The following HAVCR1 variants were observed in gnomAD, a reference collection of about 807,000 sequenced individuals.
The protein encoded by HAVCR1 is hepatitis A virus cellular receptor 1.
In HAVCR1, 34 loss-of-function variants were observed where a neutral mutation model predicts 32.0. The ratio of observed to expected loss-of-function variants is 1.06; its 90% CI spans 0.81 to 1.42. The LOEUF (loss-of-function observed/expected upper bound fraction) is 1.42. HAVCR1 is among the 40% of genes most tolerant of loss of function. The pLI, the probability that HAVCR1 is intolerant of heterozygous loss-of-function variation, is 0.00. For synonymous variants in HAVCR1, 178 were observed against 170.3 expected, an observed-to-expected ratio of 1.05 and a Z score of -0.35; for missense variants, 420 against 442.3, an observed-to-expected ratio of 0.95 and a Z score of 0.45.
chr5:157,041,422 C>T (rs1754885840), intron 6 of HAVCR1, among the ~76,000 whole-genome samples: 2 of 151,544 alleles, frequency 1.3e-5, no homozygotes, highest in East Asian at 1.9e-4. Context: ...CACTTGAACC[C>T]AAGAAGAGGA....
chr5:157,050,488 A>G (rs1438592986), intron 4 of HAVCR1, among the ~76,000 whole-genome samples: 1 of 152,164 alleles, frequency 6.6e-6, no homozygotes, highest in African/African-American at 2.4e-5. Flanking sequence ...GGGTTCTCTC[A>G]TTCCTGGACT....
chr5:157,032,226 T>C (rs1329593231), intron 8 of HAVCR1, among the ~76,000 whole-genome samples: 4 of 152,030 alleles, frequency 2.6e-5, no homozygotes, highest in Admixed American at 6.6e-5. Flanking sequence ...CTACTAAAAG[T>C]ATGAAAAAAT....
At chr5:157,042,373 C>T (rs770944179) in intron 6 of HAVCR1, among the ~76,000 whole-genome samples, 10 of 146,910 alleles carry the variant, frequency 6.8e-5, no homozygotes, top group Admixed American at 4.2e-4. Context: ...ACCCGGGAAG[C>T]GGAGCTTACA....
intron 5 of HAVCR1, among the ~76,000 whole-genome samples, chr5:157,044,601 A>AAGAAAGAAAG (rs1561590920): frequency 1.6e-4 from 14 of 88,864 alleles, no homozygotes; most frequent in Non-Finnish European, 2.9e-4. Context: ...GAAAGAAAGA[A>AAGAAAGAAAG]AGAAAGAAAG....
chr5:157,048,924 G>A (rs1755575964), intron 5 of HAVCR1, 114 bp downstream of exon 5: 1 of 689,418 alleles, frequency 1.5e-6, no homozygotes, highest in Non-Finnish European at 2.7e-6. Context: ...ACTGATCTGT[G>A]TGCCTGGTGT....
chr5:157,052,192 A>G (rs1755776268), intron 4 of HAVCR1, among the ~76,000 whole-genome samples, 169 bp downstream of exon 4: 1 of 152,196 alleles, frequency 6.6e-6, no homozygotes, highest in African/African-American at 2.4e-5. Flanking sequence ...GGTGCAAAAG[A>G]CGCATACAAC....
upstream of HAVCR1, among the ~76,000 whole-genome samples, chr5:157,063,501 T>A (rs1581741931): frequency 6.6e-6 from 1 of 151,988 alleles, no homozygotes; most frequent in African/African-American, 2.4e-5. Flanking sequence ...GTTAGGCTGG[T>A]CACGAACTCC....
At position 157,055,201 on chromosome 5, in the gene HAVCR1, G is replaced by C; in HGVS notation, c.379C>G (p.Pro127Ala). ...CAAGAAATATCAAAGAAAAACTTAC[G>C]TGGCACAATCTCCAATGATACGGTG... is the stretch of plus-strand genomic sequence containing the variant. ...KITVSLEIVP[P>A]KVTTTPIVTT... Residue 127 changes from proline (P) to alanine (A), a missense_variant and splice_region_variant, in exon 3 of 9, where the codon CCC becomes GCC. Coordinates refer to ENST00000523175, the MANE Select transcript of HAVCR1 (RefSeq NM_001173393.3). The C allele has an allele frequency of 6.9e-7, 1 of 1,455,338 alleles. No individual in the cohort carries two copies. 90.2% of individuals were successfully genotyped at this position (1,455,338 alleles called of 1,614,324 possible).
chr5:157,057,857 C>G (rs1256174543), intron 2 of HAVCR1, 41 bp downstream of exon 2: 5 of 1,516,284 alleles, frequency 3.3e-6, no homozygotes, highest in African/African-American at 1.4e-5. Context: ...TCTAACCCCC[C>G]TCTACTCCCT....
rs891815695 is a variant in HAVCR1, at chr5:157,055,593, C to A, written c.47-60G>T. ...CTCACTATTTCATCTTGGCTGGGCA[C>A]AATGGCTCACGCCTGTAATCCAAGA... On this transcript the variant is annotated intron_variant, in intron 2 of 8. Transcript: ENST00000523175. 19 of 1,053,894 alleles carry A rather than the reference C, an allele frequency of 1.8e-5. No homozygotes were observed. The African/African-American group carries it at 2.5e-4, about 14-fold the overall frequency. The allele number at this position is 1,053,894 out of a possible 1,614,324, so 65.3% of individuals were successfully genotyped here.
At chr5:157,045,586 T>C (rs922225576) in intron 5 of HAVCR1, among the ~76,000 whole-genome samples, 4 of 152,132 alleles carry the variant, frequency 2.6e-5, no homozygotes, top group Non-Finnish European at 5.9e-5. Flanking sequence ...AGAGCAGATT[T>C]ATAGCGCCTC....
intron 5 of HAVCR1, among the ~76,000 whole-genome samples, chr5:157,043,554 A>G (rs944008727): frequency 6.6e-6 from 1 of 152,190 alleles, no homozygotes; most frequent in African/African-American, 2.4e-5. Flanking sequence ...CTGTAGACTT[A>G]GCTACTCGGA....
At chr5:157,042,523 A>G in intron 6 of HAVCR1, 104 bp downstream of exon 6, 1 of 635,324 alleles carries the variant, frequency 1.6e-6, no homozygotes. Flanking sequence ...AAGAAAAAAA[A>G]AATTCTGTGG....
At chr5:157,047,569 CAAG>C (rs965072534) in intron 5 of HAVCR1, among the ~76,000 whole-genome samples, 3 of 151,094 alleles carry the variant, frequency 2.0e-5, no homozygotes, top group African/African-American at 4.9e-5. Flanking sequence ...AAAAAAAGTA[CAAG>C]AAGACTAGGT....
chr5:157,064,626 G>A, the HAVCR1 span, among the ~76,000 whole-genome samples: 3 of 152,310 alleles, frequency 2.0e-5, no homozygotes, highest in Admixed American at 6.5e-5. Flanking sequence ...TAACACCTTG[G>A]GAGGCCAAGG....
chr5:157,048,327 T>G (rs1185553096), intron 5 of HAVCR1, among the ~76,000 whole-genome samples: 1 of 152,174 alleles, frequency 6.6e-6, no homozygotes, highest in Non-Finnish European at 1.5e-5. Flanking sequence ...TTGATTTGAT[T>G]TCTAAAAACA....
At chr5:157,061,647 C>T (rs1756491566), upstream of HAVCR1, among the ~76,000 whole-genome samples, 1 of 151,960 alleles carries the variant, frequency 6.6e-6, no homozygotes. Context: ...GCAGAATTTA[C>T]CCTGAGCGGA....
intron 5 of HAVCR1, among the ~76,000 whole-genome samples, chr5:157,044,621 G>GAAAGAAAGAAAGAA (rs1561591214): frequency 1.9e-4 from 8 of 42,722 alleles, no homozygotes; most frequent in South Asian, 1.2e-3. Flanking sequence ...GAAAGAGAAA[G>GAAAGAAAGAAAGAA]AAAGAAAGAA....
At chr5:157,062,319 G>T (rs1182240663), upstream of HAVCR1, among the ~76,000 whole-genome samples, 2 of 152,178 alleles carry the variant, frequency 1.3e-5, no homozygotes, top group Non-Finnish European at 2.9e-5. Flanking sequence ...GTTGCAGTGA[G>T]CTGAGATCGT....
Sources: gnomAD v4.1 joint callset for allele counts (sites outside exome capture counted in the v4.1 genomes callset) on GRCh38, gnomAD v4.1.1 for gene constraint, MANE v1.5 for transcripts, NCBI Gene and HGNC (gene_info 2026-07-23, HGNC 2026-07-21) for gene names.